SAMD4A: variants seen among roughly 807,000 people sequenced by gnomAD.
SAMD4A encodes the protein protein Smaug homolog 1.
A neutral mutation model predicts 81.3 loss-of-function variants in SAMD4A; 33 were observed. The ratio of observed to expected loss-of-function variants is 0.41; its 90% CI spans 0.31 to 0.54. The LOEUF (loss-of-function observed/expected upper bound fraction) is 0.54. Ranked by LOEUF, SAMD4A falls within the 20% of genes least tolerant of loss-of-function variation. SAMD4A has a pLI of 0.37. For missense variants in SAMD4A, 854 were observed against 951.1 expected, an observed-to-expected ratio of 0.90 and a Z score of 1.34; for synonymous variants, 389 against 382.1, an observed-to-expected ratio of 1.02 and a Z score of -0.21.
intron 8 of SAMD4A, among the ~76,000 whole-genome samples, chr14:54,769,457 G>A (rs1390607641): frequency 2.0e-5 from 3 of 152,198 alleles, no homozygotes; most frequent in South Asian, 2.1e-4. Context: ...TTACAAGGCA[G>A]CAGGCAAAAC....
chr14:54,590,125 C>T (rs1207214119), intron 2 of SAMD4A, among the ~76,000 whole-genome samples: 1 of 152,140 alleles, frequency 6.6e-6, no homozygotes, highest in Non-Finnish European at 1.5e-5. Flanking sequence ...AGTTAATTCA[C>T]TGAATATTTG....
At chr14:54,771,695 T>C (rs1186325712) in intron 9 of SAMD4A, among the ~76,000 whole-genome samples, 1 of 152,082 alleles carries the variant, frequency 6.6e-6, no homozygotes, top group Non-Finnish European at 1.5e-5. Flanking sequence ...TTTTCCCAGG[T>C]GAATAGAAAA....
intron 2 of SAMD4A, chr14:54,694,708 C>T: frequency 2.0e-6 from 2 of 985,420 alleles, no homozygotes; most frequent in Non-Finnish European, 2.4e-6. Flanking sequence ...CCTCAGACCT[C>T]CTGACTGGTC....
intron 4 of SAMD4A, among the ~76,000 whole-genome samples, chr14:54,738,910 C>G (rs921235283): frequency 1.2e-4 from 18 of 152,188 alleles, no homozygotes; most frequent in Admixed American, 7.2e-4. Flanking sequence ...AAGCATTGGC[C>G]TTTGTGTTTG....
At chr14:54,659,388 C>CTG (rs150880500) in intron 2 of SAMD4A, among the ~76,000 whole-genome samples, 10 of 151,838 alleles carry the variant, frequency 6.6e-5, no homozygotes, top group South Asian at 6.2e-4. Flanking sequence ...TATCAGAGCT[C>CTG]TGTGTGTGTG....
chr14:54,659,262 A>C (rs2035587869), intron 2 of SAMD4A, among the ~76,000 whole-genome samples: 1 of 152,160 alleles, frequency 6.6e-6, no homozygotes, highest in African/African-American at 2.4e-5. Flanking sequence ...TTGAGGACTG[A>C]TGAGATCAAA....
rs187917336 is a variant in SAMD4A at position 54,639,247 on chromosome 14, G to A, written c.197-62815G>A. Among the ~76,000 whole-genome samples the A allele has an allele frequency of 9.6e-4, 146 of 152,286 alleles. 1 individual carries two copies. The South Asian group carries it at 0.016, about 16-fold the overall frequency. The stretch of plus-strand genomic sequence containing the variant: ...TGAGCACAGTGCCTGTTGCGTGGGG[G>A]CACGAAATAACCGGCAGCTGTTATT... On this transcript the variant is annotated intron_variant, in intron 2 of 12. Coordinates refer to ENST00000554335, the MANE Select transcript of SAMD4A (RefSeq NM_015589.6).
intron 4 of SAMD4A, among the ~76,000 whole-genome samples, chr14:54,739,482 G>A (rs1054911427): frequency 6.6e-6 from 1 of 150,814 alleles, no homozygotes; most frequent in Non-Finnish European, 1.5e-5. Context: ...CCTTGGATTG[G>A]GATTCCAAGT....
chr14:54,587,360 A>C (rs574128755), intron 2 of SAMD4A, among the ~76,000 whole-genome samples: 1 of 152,196 alleles, frequency 6.6e-6, no homozygotes, highest in Admixed American at 6.5e-5. Flanking sequence ...GTATACAATC[A>C]TATCATCAGC....
chr14:54,571,396 T>C (rs1427265007), intron 2 of SAMD4A, among the ~76,000 whole-genome samples: 1 of 152,232 alleles, frequency 6.6e-6, no homozygotes, highest in African/African-American at 2.4e-5. Context: ...TTGAGACTTC[T>C]GGCCAGTCTC....
chr14:54,593,747 T>C (rs1014297550), intron 2 of SAMD4A, among the ~76,000 whole-genome samples: 1 of 152,170 alleles, frequency 6.6e-6, no homozygotes, highest in Non-Finnish European at 1.5e-5. Flanking sequence ...AAATGTATAT[T>C]TTGATAAGTA....
At chr14:54,724,024 G>GAAGGAAGGAAGGAAGGAA (rs1555347504) in intron 3 of SAMD4A, among the ~76,000 whole-genome samples, 9 of 97,176 alleles carry the variant, frequency 9.3e-5, no homozygotes, top group Admixed American at 9.0e-4. Context: ...AAGGAAGGAA[G>GAAGGAAGGAAGGAAGGAA]GAAGGAAGGA....
At chr14:54,624,473 T>G (rs1032390378) in intron 2 of SAMD4A, among the ~76,000 whole-genome samples, 3 of 152,192 alleles carry the variant, frequency 2.0e-5, no homozygotes, top group Admixed American at 6.5e-5. Context: ...CTAAGAACTT[T>G]CGAAGACTAC....
intron 2 of SAMD4A, among the ~76,000 whole-genome samples, chr14:54,678,837 C>G (rs926994955): frequency 6.6e-6 from 1 of 152,140 alleles, no homozygotes; most frequent in Non-Finnish European, 1.5e-5. Context: ...CGTGAGCCAC[C>G]GCGCCCGGCC....
In SAMD4A at chr14:54,738,396, C is replaced by T. The variant is rs532183740; in HGVS notation, c.979+1109C>T. 2.0e-3 allele frequency among the ~76,000 whole-genome samples: 311 copies of T among 152,288 alleles called. 3 individuals carry two copies. Among genetic ancestry groups the T allele is most frequent in the African/African-American group, 6.9e-3 (287 of 41,564 alleles). ...TGGGAATGAGGCTGACAAGAAGCTG[C>T]TCCCCTGGCACATTCCTTGAATCTT... is the stretch of plus-strand genomic sequence containing the variant. On this transcript the variant is annotated intron_variant, in intron 4 of 12. Coordinates refer to ENST00000554335, the MANE Select transcript of SAMD4A (RefSeq NM_015589.6).
chr14:54,699,249 G>A (rs866853107), intron 2 of SAMD4A, among the ~76,000 whole-genome samples: 4 of 152,184 alleles, frequency 2.6e-5, no homozygotes, highest in Admixed American at 2.0e-4. Flanking sequence ...GATGAATTGA[G>A]GAGAAAGTTA....
intron 2 of SAMD4A, among the ~76,000 whole-genome samples, chr14:54,658,188 A>G (rs2035567135): frequency 1.3e-5 from 2 of 152,128 alleles, no homozygotes; most frequent in African/African-American, 4.8e-5. Context: ...TCAGGTGCCC[A>G]TAATCCCAGC....
At chr14:54,784,474 G>A in intron 11 of SAMD4A, 63 bp from the exon 12 acceptor site, 1 of 1,611,874 alleles carries the variant, frequency 6.2e-7, no homozygotes, top group Non-Finnish European at 8.5e-7. Flanking sequence ...TCCTGAAGGT[G>A]GAACCAGGTG....
chr14:54,729,018 T>C (rs1208038310), intron 3 of SAMD4A, among the ~76,000 whole-genome samples: 2 of 152,238 alleles, frequency 1.3e-5, no homozygotes, highest in Non-Finnish European at 2.9e-5. Flanking sequence ...TTTTAAAATA[T>C]CCTTTGGTAC....
Sources: gnomAD v4.1 joint callset for allele counts (sites outside exome capture counted in the v4.1 genomes callset) on GRCh38, gnomAD v4.1.1 for gene constraint, MANE v1.5 for transcripts, NCBI Gene and HGNC (gene_info 2026-07-23, HGNC 2026-07-21) for gene names.